Variants in MTCH2 observed in about 807,000 individuals in gnomAD.
MTCH2 encodes the protein mitochondrial carrier 2.
MTCH2 carries 25 observed loss-of-function variants against 50.6 expected under a neutral mutation model. The ratio of observed to expected loss-of-function variants is 0.49; its 90% CI spans 0.36 to 0.69. MTCH2 has a LOEUF of 0.69. MTCH2 is among the 30% of genes least tolerant of loss of function. The pLI is 0.00. For missense variants in MTCH2, 273 were observed against 384.4 expected, an observed-to-expected ratio of 0.71 and a Z score of 2.42; for synonymous variants, 106 against 132.0, an observed-to-expected ratio of 0.80 and a Z score of 1.35.
chr11:47,625,826 T>G, intron 10 of MTCH2, 85 bp from the exon 11 acceptor site: 2 of 1,040,146 alleles, frequency 1.9e-6, no homozygotes, highest in Non-Finnish European at 2.9e-6. Context: ...CTAGTGCCAC[T>G]GCGGTGAGAC....
chr11:47,611,713 C>G, the MTCH2 span, among the ~76,000 whole-genome samples: 1 of 152,226 alleles, frequency 6.6e-6, no homozygotes, highest in Non-Finnish European at 1.5e-5. Flanking sequence ...TTCTCTTCCT[C>G]TTCTTCCACT....
Position 47,618,886 on chromosome 11 carries a change from G to A in MTCH2, c.859C>T (p.Arg287Trp), listed in dbSNP as rs1401229760. The change falls in exon 13 of 13, where the codon CGG (arginine) becomes TGG (tryptophan). Residue 287 changes from arginine to tryptophan, a missense_variant. Arg to Trp is a moderately radical substitution (Grantham distance 101, BLOSUM62 -3). Coordinates refer to ENST00000302503, the MANE Select transcript of MTCH2 (RefSeq NM_014342.4). ...NMSRGNSLFF[R>W]KVPFGKTYCC... is the part of the protein sequence containing the mutation. ...TAAGTCTTCCCAAAGGGGACCTTCC[G>A]GAAAAATAAGCTATTTCCTCGGCTC... 4 of 1,613,690 alleles carry A rather than the reference G, an allele frequency of 2.5e-6. No individual in the cohort carries two copies. Among genetic ancestry groups the A allele is most frequent in the Non-Finnish European group, 3.4e-6 (4 of 1,179,900 alleles).
At chr11:47,611,600 C>T in the MTCH2 span, among the ~76,000 whole-genome samples, 4 of 152,218 alleles carry the variant, frequency 2.6e-5, no homozygotes, top group East Asian at 1.9e-4. Context: ...CTTTCGTCCA[C>T]GTGTCATCTT....
At position 47,635,564 on chromosome 11, in the gene MTCH2, T is replaced by C; in HGVS notation, c.287A>G (p.Gln96Arg). The C allele has an allele frequency of 1.2e-6, 2 of 1,613,292 alleles. No individual in the cohort carries two copies. The highest frequency in any genetic ancestry group is 2.2e-5 in the East Asian group (1 of 44,874). Residue 96 changes from glutamine (Q) to arginine (R), a missense_variant, in exon 4 of 13, where the codon CAG becomes CGG. Physicochemically the swap from Gln to Arg is conservative, Grantham distance 43. Around this residue, in one of 2 missense-constraint regions of MTCH2, gnomAD observed 203 missense variants for 244.3 expected, o/e 0.83. Coordinates refer to ENST00000302503, the MANE Select transcript of MTCH2 (RefSeq NM_014342.4). The part of the protein sequence containing the change: ...VVHGKVLQHY[Q>R]ESDKGEELGP... ...ACATACCTCACCCTTGTCACTCTCC[T>C]GGTAATGCTATAGAAAAAAAGAAAA... is the stretch of plus-strand genomic sequence containing the variant.
intron 5 of MTCH2, among the ~76,000 whole-genome samples, chr11:47,632,520 A>G (rs1167238186): frequency 6.6e-6 from 1 of 150,918 alleles, no homozygotes; most frequent in Non-Finnish European, 1.5e-5. Flanking sequence ...TGCCCGGCTA[A>G]TTTTTTTTCT....
At chr11:47,610,666 C>G in the MTCH2 span, among the ~76,000 whole-genome samples, 2 of 152,154 alleles carry the variant, frequency 1.3e-5, no homozygotes, top group Admixed American at 1.3e-4. Context: ...GATCGAGCCA[C>G]TTCACTCCAG....
downstream of MTCH2, among the ~76,000 whole-genome samples, chr11:47,616,709 T>C (rs765289048): frequency 6.6e-6 from 1 of 150,578 alleles, no homozygotes; most frequent in Non-Finnish European, 1.5e-5. Flanking sequence ...GAGATGGGAG[T>C]TTCACTCTTG....
downstream of MTCH2, among the ~76,000 whole-genome samples, chr11:47,612,957 G>C (rs965042937): frequency 6.6e-6 from 1 of 152,154 alleles, no homozygotes; most frequent in South Asian, 2.1e-4. Flanking sequence ...AGGCTGGAGT[G>C]CAGTGGCACA....
Position 47,640,327 on chromosome 11 carries a change from C to A in MTCH2, c.88-1276G>T, listed in dbSNP as rs557873474. Among the ~76,000 whole-genome samples the A allele has an allele frequency of 1.9e-3, 293 of 152,302 alleles. 1 individual carries two copies. Among genetic ancestry groups the A allele is most frequent in the Middle Eastern group, 0.014 (4 of 294 alleles). On this transcript the variant is annotated intron_variant, in intron 1 of 12. Transcript: ENST00000302503. ...CTGGGTGACAAGAGCAAAACTCCAT[C>A]TCAAAAACAACAACAAATAAATAAA...
chr11:47,631,381 C>T (rs2097302894), intron 6 of MTCH2, among the ~76,000 whole-genome samples: 1 of 152,146 alleles, frequency 6.6e-6, no homozygotes, highest in African/African-American at 2.4e-5. Context: ...TGCACTCCAG[C>T]CTGGGCAACA....
chr11:47,630,644 T>C (rs781158644), intron 7 of MTCH2, 30 bp from the exon 8 acceptor site: 7 of 1,569,066 alleles, frequency 4.5e-6, no homozygotes, highest in Non-Finnish European at 6.1e-6. Flanking sequence ...AGGTAAAATA[T>C]ATTAAGATTC....
Position 47,642,541 on chromosome 11 carries a change from C to T in MTCH2, c.-76G>A. ...GGTGAGCCGGTCCTAGGTCACGTGC[C>T]AGGGCCGCCGGTTTCACTGGCCCGC... On this transcript the variant is annotated 5_prime_UTR_variant, in exon 1 of 13. Coordinates refer to ENST00000302503, the MANE Select transcript of MTCH2 (RefSeq NM_014342.4). The T allele has an allele frequency of 1.5e-6, 2 of 1,368,478 alleles. No individual in the cohort carries two copies. Among genetic ancestry groups the T allele is most frequent in the Non-Finnish European group, 2.0e-6 (2 of 1,018,698 alleles). The allele number at this position is 1,368,478 out of a possible 1,614,324, so 84.8% of individuals were successfully genotyped here.
At chr11:47,613,725 CT>C (rs1366851799), downstream of MTCH2, among the ~76,000 whole-genome samples, 1 of 2,272 alleles carries the variant, frequency 4.4e-4, no homozygotes, top group East Asian at 0.25. Context: ...CCATTCTACT[CT>C]GTTGGGAGCT....
intron 9 of MTCH2, among the ~76,000 whole-genome samples, chr11:47,627,412 T>G (rs1279806492): frequency 1.3e-5 from 2 of 151,610 alleles, no homozygotes; most frequent in African/African-American, 4.9e-5. Context: ...CACCTTGACC[T>G]CTCAAAGTGC....
At chr11:47,640,025 TCTGTCCTATTA>T (rs2097312516) in intron 1 of MTCH2, among the ~76,000 whole-genome samples, 1 of 152,084 alleles carries the variant, frequency 6.6e-6, no homozygotes, top group South Asian at 2.1e-4. Flanking sequence ...TGACTCTTAA[TCTGTCCTATTA>T]AGTAACTCCT....
intron 12 of MTCH2, among the ~76,000 whole-genome samples, chr11:47,620,298 C>CA (rs1416871901): frequency 6.6e-6 from 1 of 151,336 alleles, no homozygotes; most frequent in African/African-American, 2.4e-5. Context: ...TTAAAAAAAA[C>CA]AAAAAACAAA....
intron 1 of MTCH2, among the ~76,000 whole-genome samples, chr11:47,642,075 G>T (rs1051380452): frequency 2.0e-5 from 3 of 152,174 alleles, no homozygotes; most frequent in African/African-American, 7.2e-5. Context: ...GACCGGCCAG[G>T]ATCCACCTCA....
intron 1 of MTCH2, among the ~76,000 whole-genome samples, chr11:47,641,516 T>A (rs567215551): frequency 6.6e-6 from 1 of 152,152 alleles, no homozygotes; most frequent in Non-Finnish European, 1.5e-5. Context: ...GGTAATTATG[T>A]CAACTCTCAG....
chr11:47,634,768 G>GGT, intron 4 of MTCH2, 34 bp from the exon 5 acceptor site: 2 of 751,690 alleles, frequency 2.7e-6, no homozygotes, highest in African/African-American at 1.9e-5. Flanking sequence ...TAGAGATCTT[G>GGT]ATTTTTTTTT....
Sources: gnomAD v4.1 joint callset for allele counts (sites outside exome capture counted in the v4.1 genomes callset) on GRCh38, gnomAD v4.1.1 for gene constraint, gnomAD v4.1.1 regional missense constraint, MANE v1.5 for transcripts, NCBI Gene and HGNC (gene_info 2026-07-23, HGNC 2026-07-21) for gene names.